DYNC2H1: variants seen among roughly 807,000 people sequenced by gnomAD.
DYNC2H1 encodes dynein cytoplasmic 2 heavy chain 1, also known as cytoplasmic dynein 2 heavy chain 1.
A neutral mutation model predicts 570.0 loss-of-function variants in DYNC2H1; 410 were observed. The ratio of observed to expected loss-of-function variants is 0.72; its 90% CI spans 0.66 to 0.78. The LOEUF (loss-of-function observed/expected upper bound fraction) is 0.78. DYNC2H1 is among the 30% of genes least tolerant of loss of function. The pLI is 0.00. For synonymous variants in DYNC2H1, 1,688 were observed against 1,677.6 expected, an observed-to-expected ratio of 1.01 and a Z score of -0.15; for missense variants, 4,865 against 5,046.4, an observed-to-expected ratio of 0.96 and a Z score of 1.09.
chr11:103,350,911 A>G (rs772579263), intron 82 of DYNC2H1, among the ~76,000 whole-genome samples: 11 of 152,156 alleles, frequency 7.2e-5, no homozygotes, highest in Admixed American at 3.3e-4. Context: ...AATGGGAGTT[A>G]GGGCCTCAAC....
intron 35 of DYNC2H1, 126 bp downstream of exon 35, chr11:103,173,431 G>A (rs1861658222): frequency 1.5e-6 from 1 of 645,746 alleles, no homozygotes; most frequent in Non-Finnish European, 2.3e-6. Context: ...TGATTTTATT[G>A]TACTTATAGT....
rs1490416134 is a variant in DYNC2H1 at position 103,277,689 on chromosome 11, T to C, written c.10696-2659T>C. ...GAACAGGGTTAGGGGAGTAGTTCTC[T>C]AAAGCAAGCTTGCCTCGACTCTTAC... On this transcript the variant is annotated intron_variant, in intron 70 of 88. Coordinates refer to ENST00000375735, the MANE Select transcript of DYNC2H1 (RefSeq NM_001377.3). The surrounding 1 kb of genome is among the most constrained non-coding windows in gnomAD (Gnocchi z 4.3). Among the ~76,000 whole-genome samples the C allele has an allele frequency of 6.6e-6, 1 of 152,184 alleles. No individual in the cohort carries two copies. Among genetic ancestry groups the C allele is most frequent in the East Asian group, 1.9e-4 (1 of 5,198 alleles).
At chr11:103,343,745 G>A (rs1939598813) in intron 82 of DYNC2H1, among the ~76,000 whole-genome samples, 1 of 137,930 alleles carries the variant, frequency 7.3e-6, no homozygotes, top group Admixed American at 7.5e-5. Context: ...ATAAAACTTT[G>A]TTTTCCTCAA....
At chr11:103,469,043 C>A (rs568191646) in intron 88 of DYNC2H1, among the ~76,000 whole-genome samples, 14 of 152,266 alleles carry the variant, frequency 9.2e-5, no homozygotes, top group Middle Eastern at 3.4e-3. Flanking sequence ...ATATGCTTTA[C>A]CTAAAATCCT....
chr11:103,290,730 C>G (rs1866560168), intron 75 of DYNC2H1, among the ~76,000 whole-genome samples: 1 of 152,142 alleles, frequency 6.6e-6, no homozygotes, highest in Admixed American at 6.6e-5. Context: ...CTTTGTCTCT[C>G]TCTTCCTCTC....
chr11:103,149,163 T>C (rs1397606608), intron 20 of DYNC2H1, among the ~76,000 whole-genome samples: 4 of 152,254 alleles, frequency 2.6e-5, no homozygotes, highest in African/African-American at 9.6e-5. Flanking sequence ...GTCTATTTTA[T>C]GATGTGGCAT....
chr11:103,361,664 ATGGCAGCTTACATTACGG>A (rs1479838059), intron 83 of DYNC2H1, among the ~76,000 whole-genome samples: 1 of 152,212 alleles, frequency 6.6e-6, no homozygotes, highest in East Asian at 1.9e-4. Context: ...GTAAGAGCAG[ATGGCAGCTTACATTACGG>A]TGGCAGAGCA....
Position 103,456,258 on chromosome 11 carries a change from A to G in DYNC2H1, c.12567-17A>G. The G allele has an allele frequency of 1.3e-6, 2 of 1,586,108 alleles. No individual in the cohort carries two copies. The highest frequency in any genetic ancestry group is 1.7e-5 in the Admixed American group (1 of 58,622). ...TAAGGATTATTGATTTGTGACTTTG[A>G]TGCTTTACCTTTACAGGGCAGTGGG... On this transcript the variant is annotated splice_polypyrimidine_tract_variant and intron_variant, in intron 86 of 88. Transcript: ENST00000375735.
chr11:103,367,965 G>A (rs548574069), intron 83 of DYNC2H1, among the ~76,000 whole-genome samples: 33 of 152,020 alleles, frequency 2.2e-4, no homozygotes, highest in Non-Finnish European at 4.1e-4. Flanking sequence ...TTTTCCTATA[G>A]CTGAACAGTA....
At chr11:103,321,774 C>A (rs1421064273) in intron 81 of DYNC2H1, among the ~76,000 whole-genome samples, 1 of 152,036 alleles carries the variant, frequency 6.6e-6, no homozygotes, top group African/African-American at 2.4e-5. Flanking sequence ...AGAATGTACT[C>A]ATCTTTTCCA....
In DYNC2H1 at chr11:103,300,258, G is replaced by T. The variant is rs934578962; in HGVS notation, c.11096-2835G>T. 6.6e-5 allele frequency among the ~76,000 whole-genome samples: 10 copies of T among 151,970 alleles called. 1 individual carries two copies. In the East Asian group the frequency reaches 1.9e-3, roughly 29 times the overall value. On this transcript the variant is annotated intron_variant, in intron 75 of 88. Coordinates refer to ENST00000375735, the MANE Select transcript of DYNC2H1 (RefSeq NM_001377.3). Reference sequence around the variant, plus strand: ...TTTGCATAAAATAAAAAACAATAAAGGTTTCAGTTATTCGTTTGTCTTATT... The same window carrying T: ...TTTGCATAAAATAAAAAACAATAAATGTTTCAGTTATTCGTTTGTCTTATT...
chr11:103,153,071 G>T (rs995353878), intron 21 of DYNC2H1, among the ~76,000 whole-genome samples: 4 of 152,052 alleles, frequency 2.6e-5, no homozygotes, highest in Non-Finnish European at 5.9e-5. Flanking sequence ...ATTTTTAAAT[G>T]ATTTTATTTG....
In DYNC2H1 at chr11:103,268,907, C is replaced by T. The variant is rs1228562985; in HGVS notation, c.10695+8930C>T. On this transcript the variant is annotated intron_variant, in intron 70 of 88. Transcript: ENST00000375735. The surrounding 1 kb of genome is among the most constrained non-coding windows in gnomAD (Gnocchi z 4.6). ...TATATTCACTGATGAAATTTGAACC[C>T]CTGTGTCATATTTTATAATGTAATT... 1.3e-5 allele frequency among the ~76,000 whole-genome samples: 2 copies of T among 151,886 alleles called. No homozygotes were observed. The highest frequency in any genetic ancestry group is 3.9e-4 in the East Asian group (2 of 5,178).
intron 66 of DYNC2H1, 63 bp from the exon 67 acceptor site, chr11:103,255,352 G>A (rs564175676): frequency 5.7e-5 from 86 of 1,504,166 alleles, no homozygotes; most frequent in Non-Finnish European, 6.9e-5. Context: ...CCTGTTTGCA[G>A]GAAGTTTTTG....
intron 59 of DYNC2H1, among the ~76,000 whole-genome samples, chr11:103,229,293 C>T (rs1046062644): frequency 2.6e-5 from 4 of 152,144 alleles, no homozygotes; most frequent in African/African-American, 9.7e-5. Context: ...GTTCTTGCAG[C>T]GAAAGTTCAC....
rs779160401 is a variant in DYNC2H1 at position 103,192,206 on chromosome 11, C to G, written c.7650C>G (p.Ile2550Met). ...VGAKELHLFD[I>M]ILTSVFQGDW... ...CAAAGGAACTTCATTTATTTGACAT[C>G]ATTTTAACATCAGTGTTTCAAGGAG... Residue 2550 changes from isoleucine (I) to methionine (M), a missense_variant, in exon 47 of 89, where the codon ATC (isoleucine) becomes ATG (methionine). Physicochemically the swap from Ile to Met is conservative, Grantham distance 10 (BLOSUM62 1). Transcript: ENST00000375735. The G allele has an allele frequency of 3.1e-6, 5 of 1,590,704 alleles. No individual in the cohort carries two copies. In the African/African-American group the frequency reaches 6.7e-5, roughly 21 times the overall value.
At chr11:103,168,231 C>G (rs1461490926) in intron 31 of DYNC2H1, among the ~76,000 whole-genome samples, 1 of 152,180 alleles carries the variant, frequency 6.6e-6, no homozygotes, top group Non-Finnish European at 1.5e-5. Flanking sequence ...AGACCCCTTT[C>G]CTTCTAAAGC....
chr11:103,386,498 CT>C (rs528792784), intron 83 of DYNC2H1, among the ~76,000 whole-genome samples: 1 of 151,468 alleles, frequency 6.6e-6, no homozygotes, highest in Admixed American at 6.6e-5. Context: ...TATTGGCTTT[CT>C]TTTTTTTATT....
chr11:103,326,084 G>T lies in DYNC2H1; in HGVS notation c.12039+2094G>T, dbSNP rs990263293. Among the ~76,000 whole-genome samples the T allele has an allele frequency of 1.3e-5, 2 of 152,110 alleles. No homozygotes were observed. Among genetic ancestry groups the T allele is most frequent in the African/African-American group, 4.8e-5 (2 of 41,408 alleles). On this transcript the variant is annotated intron_variant, in intron 82 of 88. Transcript: ENST00000375735. The surrounding 1 kb of genome is among the most constrained non-coding windows in gnomAD (Gnocchi z 6.1). The stretch of plus-strand genomic sequence containing the variant: ...GGTGAATTCTTGCTCTTGGTTTCCG[G>T]CATCTATTAGCAGAATAATGTTTAG...
Sources: gnomAD v4.1 joint callset for allele counts (sites outside exome capture counted in the v4.1 genomes callset) on GRCh38, gnomAD v4.1.1 for gene constraint, Gnocchi (gnomAD v3.1) non-coding constraint, MANE v1.5 for transcripts, NCBI Gene and HGNC (gene_info 2026-07-23, HGNC 2026-07-21) for gene names.